The following DNMBP variants were observed in gnomAD, a reference collection of about 807,000 sequenced individuals.
The protein encoded by DNMBP is dynamin binding protein.
Under a neutral mutation model 150.0 loss-of-function variants are expected in DNMBP, and 87 were observed. The ratio of observed to expected loss-of-function variants is 0.58; its 90% CI spans 0.49 to 0.69. The LOEUF (loss-of-function observed/expected upper bound fraction) is 0.69, where lower values mean the gene tolerates loss of function less well. DNMBP is among the 30% of genes least tolerant of loss of function. DNMBP has a pLI of 0.00. For synonymous variants in DNMBP, 711 were observed against 750.4 expected (o/e 0.95, Z 0.86); for missense variants, 1,774 against 1,949.0 (o/e 0.91, Z 1.69).
At chr10:99,896,474 C>G in intron 9 of DNMBP, 77 bp from the exon 10 acceptor site, 1 of 1,397,314 alleles carries the variant, frequency 7.2e-7, no homozygotes, top group Non-Finnish European at 1.0e-6. Flanking sequence ...GATGAACACC[C>G]AAACGGGAGC....
chr10:99,904,872 C>G (rs1402972297), intron 6 of DNMBP, among the ~76,000 whole-genome samples: 1 of 152,158 alleles, frequency 6.6e-6, no homozygotes, highest in East Asian at 1.9e-4. Context: ...GTATAGTACA[C>G]TATAGACACA....
chr10:99,959,698 TA>T lies in DNMBP; in HGVS notation c.269-2494del, dbSNP rs201356926. Among the ~76,000 whole-genome samples the T allele has an allele frequency of 4.6e-3, 679 of 149,092 alleles. 6 individuals are homozygous for T. The highest frequency in any genetic ancestry group is 0.015 in the African/African-American group (613 of 40,604). On this transcript the variant is annotated intron_variant, in intron 3 of 16. Coordinates refer to ENST00000324109, the MANE Select transcript of DNMBP (RefSeq NM_015221.4). ...TGAGACCGCGTCTCTATTTAAAATTTAAAAAAAAATTAGCCGGTGTGGTGGT... is the reference window on the plus strand; with the variant it reads ...TGAGACCGCGTCTCTATTTAAAATTTAAAAAAAATTAGCCGGTGTGGTGGT...
chr10:99,997,249 G>A (rs1158692737), intron 1 of DNMBP, among the ~76,000 whole-genome samples: 3 of 152,178 alleles, frequency 2.0e-5, no homozygotes, highest in African/African-American at 7.2e-5. Context: ...AAGAAAACCA[G>A]GGTACTTATT....
rs951528296 is a variant in DNMBP, at chr10:99,906,557, C to T, written c.2554+1438G>A. ...AAGACTCTGTGGCTCCTGTCTCAGG[C>T]GTGCTTGCTCTTGCGTGCTCTCTCT... is the stretch of plus-strand genomic sequence containing the variant. On this transcript the variant is annotated intron_variant, in intron 6 of 16. Coordinates refer to ENST00000324109, the MANE Select transcript of DNMBP (RefSeq NM_015221.4). Among the ~76,000 whole-genome samples, 6 of 152,294 alleles carry T rather than the reference C, an allele frequency of 3.9e-5. No individual in the cohort carries two copies. The South Asian group carries it at 6.2e-4, about 16-fold the overall frequency.
intron 1 of DNMBP, among the ~76,000 whole-genome samples, chr10:99,989,906 C>T (rs9664675): frequency 0.47 from 70,771 of 151,368 alleles, 17,556 homozygotes; most frequent in African/African-American, 0.63. Flanking sequence ...ATAACTCTTA[C>T]CATCTGAGTT....
intron 6 of DNMBP, among the ~76,000 whole-genome samples, chr10:99,907,507 A>G (rs1293685355): frequency 6.6e-6 from 1 of 151,656 alleles, no homozygotes; most frequent in Non-Finnish European, 1.5e-5. Context: ...GACTCAAGCA[A>G]TCCTCCAACC....
At chr10:99,951,179 G>C (rs2040418439) in intron 4 of DNMBP, among the ~76,000 whole-genome samples, 1 of 152,260 alleles carries the variant, frequency 6.6e-6, no homozygotes, top group African/African-American at 2.4e-5. Context: ...GTGGTGTTGA[G>C]CCTGCGGGTG....
At chr10:99,989,364 T>C (rs1564755651) in intron 1 of DNMBP, among the ~76,000 whole-genome samples, 1 of 152,192 alleles carries the variant, frequency 6.6e-6, no homozygotes, top group Non-Finnish European at 1.5e-5. Context: ...TAGAAGAGCA[T>C]GCCCTGAAAG....
At chr10:99,951,758 T>C (rs1406546508) in intron 4 of DNMBP, among the ~76,000 whole-genome samples, 3 of 152,246 alleles carry the variant, frequency 2.0e-5, no homozygotes, top group Non-Finnish European at 2.9e-5. Flanking sequence ...TAACTTGCTT[T>C]TGATTTTACA....
chr10:99,884,087 C>T lies in DNMBP; in HGVS notation c.3921G>A (p.Leu1307=). The T allele has an allele frequency of 3.1e-6, 5 of 1,614,088 alleles. No homozygotes were observed. Among genetic ancestry groups the T allele is most frequent in the Non-Finnish European group, 4.2e-6 (5 of 1,180,022 alleles). The part of the protein sequence containing the change: ...NAAQDLDVSL[L]EGDLVGVIKK... Reference sequence around the variant, plus strand: ...TAATCACACCCACCAGGTCACCTTCCAAAAGTGAGACATCCAAGTCTTGAG... The same window carrying T: ...TAATCACACCCACCAGGTCACCTTCTAAAAGTGAGACATCCAAGTCTTGAG... The change falls in exon 15 of 17, where the codon TTG becomes TTA. Residue 1307 remains leucine (L), a synonymous_variant. Coordinates refer to ENST00000324109, the MANE Select transcript of DNMBP (RefSeq NM_015221.4).
chr10:99,890,604 A>G (rs1241898368), intron 11 of DNMBP, among the ~76,000 whole-genome samples: 2 of 152,206 alleles, frequency 1.3e-5, no homozygotes, highest in Non-Finnish European at 2.9e-5. Context: ...GGAAAGTCCT[A>G]TGAAGCAGCA....
At chr10:99,885,662 C>A (rs2039445460) in intron 14 of DNMBP, 25 bp downstream of exon 14, 2 of 1,543,954 alleles carry the variant, frequency 1.3e-6, no homozygotes, top group Non-Finnish European at 1.8e-6. Context: ...CGAGGCGGGG[C>A]TGCTGCTCTC....
At chr10:99,990,131 C>T (rs2040870094) in intron 1 of DNMBP, among the ~76,000 whole-genome samples, 1 of 152,182 alleles carries the variant, frequency 6.6e-6, no homozygotes, top group African/African-American at 2.4e-5. Flanking sequence ...AGTGATCACA[C>T]TATTCTTTCC....
chr10:99,990,808 C>T (rs866077561), intron 1 of DNMBP, among the ~76,000 whole-genome samples: 1 of 86,008 alleles, frequency 1.2e-5, no homozygotes, highest in Non-Finnish European at 2.3e-5. Context: ...CACATATATA[C>T]ACATATATAT....
chr10:99,879,917 C>A lies in DNMBP; in HGVS notation c.4442G>T (p.Gly1481Val). Residue 1481 changes from glycine (G) to valine (V), a missense_variant, in exon 16 of 17, where the codon GGA becomes GTA. By Grantham distance (109) the Gly-to-Val change is moderately radical. Around this residue, in one of 2 missense-constraint regions of DNMBP, gnomAD observed 1,430 missense variants for 1,492.5 expected, o/e 0.96. Transcript: ENST00000324109. ...HPEIVGYSVP[G>V]RNGQSQDLVK... The stretch of plus-strand genomic sequence containing the variant: ...GAGGTCTTGACTTTGCCCATTTCGT[C>A]CTGGTACGGAGTAGCCAACTATTTC... 1 of 1,614,226 alleles carries A rather than the reference C, an allele frequency of 6.2e-7. No homozygotes were observed. The highest frequency in any genetic ancestry group is 2.2e-5 in the East Asian group (1 of 44,892).
chr10:99,946,260 A>G (rs7073612), intron 4 of DNMBP, among the ~76,000 whole-genome samples: 70,894 of 152,166 alleles, frequency 0.47, 17,502 homozygotes, highest in African/African-American at 0.63. Flanking sequence ...GCCCAGCTCC[A>G]GAAATGCTTT....
chr10:99,917,567 T>C (rs2133260702), intron 4 of DNMBP, among the ~76,000 whole-genome samples: 1 of 151,776 alleles, frequency 6.6e-6, no homozygotes, highest in East Asian at 1.9e-4. Context: ...AAAACGAGAA[T>C]GTTCTAACAG....
intron 4 of DNMBP, among the ~76,000 whole-genome samples, chr10:99,928,468 G>A (rs987731327): frequency 1.2e-4 from 19 of 152,282 alleles, no homozygotes; most frequent in African/African-American, 3.6e-4. Context: ...CAGAAAGGCC[G>A]TTTGGCATGA....
chr10:99,894,050 C>T (rs936103854), intron 11 of DNMBP, among the ~76,000 whole-genome samples: 1 of 152,052 alleles, frequency 6.6e-6, no homozygotes, highest in African/African-American at 2.4e-5. Context: ...GTGGCTCATG[C>T]CTGTAATCCC....
Sources: gnomAD v4.1 joint callset for allele counts (sites outside exome capture counted in the v4.1 genomes callset) on GRCh38, gnomAD v4.1.1 for gene constraint, gnomAD v4.1.1 regional missense constraint, MANE v1.5 for transcripts, NCBI Gene and HGNC (gene_info 2026-07-23, HGNC 2026-07-21) for gene names.